The following CCDC7 variants were observed in gnomAD, a reference collection of about 807,000 sequenced individuals.
CCDC7 encodes the protein coiled-coil domain-containing protein 7.
CCDC7 carries 183 observed loss-of-function variants against 196.9 expected under a neutral mutation model. The observed-to-expected ratio is 0.93, with a 90% confidence interval of 0.82 to 1.05. The LOEUF (loss-of-function observed/expected upper bound fraction) is 1.05. Ranked by LOEUF, CCDC7 falls within the 50% of genes least tolerant of loss-of-function variation. The pLI is 0.00. For missense variants in CCDC7, 1,540 were observed against 1,482.2 expected (o/e 1.04, Z -0.64); for synonymous variants, 525 against 484.6 (o/e 1.08, Z -1.10).
At chr10:32,664,112 G>A (rs967842797) in exon 21 of CCDC7, 2 of 396,204 alleles carry the variant, frequency 5.0e-6, no homozygotes, top group Admixed American at 8.8e-5. Context: ...AGTCAAAAAC[G>A]GAAGTAGAAG....
At chr10:32,725,040 A>G (rs2082919394) in intron 25 of CCDC7, among the ~76,000 whole-genome samples, 1 of 152,124 alleles carries the variant, frequency 6.6e-6, no homozygotes. Flanking sequence ...ATGTGTATAT[A>G]TCTACTTATA....
chr10:32,720,239 G>T (rs1001714960), intron 25 of CCDC7, among the ~76,000 whole-genome samples: 4 of 152,104 alleles, frequency 2.6e-5, no homozygotes, highest in Non-Finnish European at 4.4e-5. Context: ...CATGTCCTTT[G>T]CAGGGACATG....
At chr10:32,569,000 A>C (rs1590010965) in intron 15 of CCDC7, among the ~76,000 whole-genome samples, 1 of 152,240 alleles carries the variant, frequency 6.6e-6, no homozygotes, top group East Asian at 1.9e-4. Flanking sequence ...TCCAAAACAG[A>C]GGTTTTCATA....
chr10:32,865,793 CTTGGTGATCCTTT>C (rs1159861055), intron 41 of CCDC7, among the ~76,000 whole-genome samples: 3 of 151,786 alleles, frequency 2.0e-5, no homozygotes, highest in African/African-American at 7.3e-5. Context: ...CACTGTATGG[CTTGGTGATCCTTT>C]TTGTGCATTT....
Position 32,562,620 on chromosome 10 carries a change from C to T in CCDC7, c.1135-2938C>T, listed in dbSNP as rs189342279. Among the ~76,000 whole-genome samples the T allele has an allele frequency of 4.5e-3, 678 of 152,234 alleles. 3 individuals carry two copies. The highest frequency in any genetic ancestry group is 7.7e-3 in the Non-Finnish European group (521 of 68,026). ...TCAACAACGCTTCATGCTAAAAACT[C>T]AATAAATTAGGTATTGATGGGACGT... is the stretch of plus-strand genomic sequence containing the variant. On this transcript the variant is annotated intron_variant, in intron 13 of 41. Transcript: ENST00000639629.
chr10:32,870,262 C>G (rs2094379697), intron 41 of CCDC7, among the ~76,000 whole-genome samples: 1 of 152,150 alleles, frequency 6.6e-6, no homozygotes, highest in Non-Finnish European at 1.5e-5. Flanking sequence ...TTTGTGTCCT[C>G]TTTTATTTCA....
At chr10:32,680,309 T>G (rs2247648) in intron 21 of CCDC7, among the ~76,000 whole-genome samples, 51,930 of 152,038 alleles carry the variant, frequency 0.34, 11,313 homozygotes, top group Non-Finnish European at 0.49. Context: ...CCATGAGGCC[T>G]TGGATAAGTC....
At chr10:32,453,019 C>T (rs1481495982) in intron 1 of CCDC7, among the ~76,000 whole-genome samples, 1 of 152,138 alleles carries the variant, frequency 6.6e-6, no homozygotes, top group African/African-American at 2.4e-5. Context: ...AGGAGAAAGT[C>T]AAGGCAGACT....
chr10:32,785,001 T>C (rs58493149), intron 29 of CCDC7, among the ~76,000 whole-genome samples: 25,290 of 151,792 alleles, frequency 0.17, 2,631 homozygotes, highest in African/African-American at 0.27. Flanking sequence ...GACTCTGTCT[T>C]AAAAAGCAAA....
At chr10:32,542,757 C>T (rs2947066) in intron 11 of CCDC7, among the ~76,000 whole-genome samples, 20,977 of 151,986 alleles carry the variant, frequency 0.14, 1,747 homozygotes, top group East Asian at 0.25. Flanking sequence ...AATTTCCTTC[C>T]ACTGTGCAAT....
At chr10:32,733,009 G>GT in intron 28 of CCDC7, among the ~76,000 whole-genome samples, 1 of 152,040 alleles carries the variant, frequency 6.6e-6, no homozygotes, top group Non-Finnish European at 1.5e-5. Context: ...CATATTTAAT[G>GT]TAAGTACTGA....
At chr10:32,788,681 C>T (rs1482159532) in intron 29 of CCDC7, among the ~76,000 whole-genome samples, 1 of 152,216 alleles carries the variant, frequency 6.6e-6, no homozygotes, top group East Asian at 1.9e-4. Flanking sequence ...CAATCCATCT[C>T]CATGGAGCAA....
chr10:32,462,640 G>A (rs2035974733), intron 3 of CCDC7, 43 bp from the exon 5 acceptor site: 5 of 1,338,070 alleles, frequency 3.7e-6, no homozygotes, highest in African/African-American at 1.5e-5. Context: ...ACATTGTGAA[G>A]CATTCTAATT....
At chr10:32,879,176 T>TA (rs2094698317), downstream of CCDC7, among the ~76,000 whole-genome samples, 1 of 151,830 alleles carries the variant, frequency 6.6e-6, no homozygotes, top group Admixed American at 6.6e-5. Flanking sequence ...TTATCCTTTT[T>TA]TAAAAAAATT....
intron 28 of CCDC7, among the ~76,000 whole-genome samples, chr10:32,732,071 G>A (rs1220795325): frequency 1.3e-5 from 2 of 151,920 alleles, no homozygotes; most frequent in African/African-American, 2.4e-5. Context: ...AAACAAAACT[G>A]ATAGGAAACT....
At chr10:32,534,111 T>A (rs2135948576) in intron 11 of CCDC7, among the ~76,000 whole-genome samples, 1 of 152,254 alleles carries the variant, frequency 6.6e-6, no homozygotes, top group Middle Eastern at 3.4e-3. Context: ...TTCTTTTTTC[T>A]CCTTTTTGTA....
At chr10:32,655,778 C>A (rs1374157984) in intron 20 of CCDC7, among the ~76,000 whole-genome samples, 1 of 152,160 alleles carries the variant, frequency 6.6e-6, no homozygotes, top group Non-Finnish European at 1.5e-5. Flanking sequence ...AACTCCTGAT[C>A]TCAAGTGAGC....
intron 29 of CCDC7, among the ~76,000 whole-genome samples, 188 bp downstream of exon 30, chr10:32,779,272 A>G (rs1408628291): frequency 6.6e-6 from 1 of 152,248 alleles, no homozygotes; most frequent in East Asian, 1.9e-4. Flanking sequence ...TTACTCCATC[A>G]GACAACATTA....
chr10:32,626,901 T>G (rs1413604554), intron 18 of CCDC7, among the ~76,000 whole-genome samples: 2 of 152,044 alleles, frequency 1.3e-5, no homozygotes, highest in African/African-American at 4.8e-5. Flanking sequence ...CGTGTTCCAT[T>G]GGTTGGTGTG....
Sources: gnomAD v4.1 joint callset for allele counts (sites outside exome capture counted in the v4.1 genomes callset) on GRCh38, gnomAD v4.1.1 for gene constraint, MANE v1.5 for transcripts, NCBI Gene and HGNC (gene_info 2026-07-23, HGNC 2026-07-21) for gene names.